Variants in PAPPA2 observed in about 807,000 individuals in gnomAD.
PAPPA2 encodes pappalysin-2.
In PAPPA2, 86 loss-of-function variants were observed where a neutral mutation model predicts 176.4. That is an observed-to-expected ratio of 0.49 (90% CI 0.41 to 0.58). The LOEUF is 0.58. Ranked by LOEUF, PAPPA2 falls within the 20% of genes least tolerant of loss-of-function variation. PAPPA2 has a pLI of 0.00. For synonymous variants in PAPPA2, 809 were observed against 852.2 expected, an observed-to-expected ratio of 0.95 and a Z score of 0.88; for missense variants, 2,073 against 2,256.9, an observed-to-expected ratio of 0.92 and a Z score of 1.65.
intron 14 of PAPPA2, among the ~76,000 whole-genome samples, chr1:176,755,554 G>C (rs1440388311): frequency 6.6e-6 from 1 of 152,194 alleles, no homozygotes; most frequent in Admixed American, 6.5e-5. Flanking sequence ...CTAGTGAATA[G>C]CTTAATTTGT....
At chr1:176,489,320 C>G (rs1242042894) in intron 1 of PAPPA2, among the ~76,000 whole-genome samples, 1 of 152,186 alleles carries the variant, frequency 6.6e-6, no homozygotes, top group Non-Finnish European at 1.5e-5. Context: ...GTCTTAGCAC[C>G]TCCCCACTCT....
At chr1:176,775,443 A>G (rs1664414936) in intron 17 of PAPPA2, among the ~76,000 whole-genome samples, 3 of 152,196 alleles carry the variant, frequency 2.0e-5, no homozygotes, top group Admixed American at 2.0e-4. Context: ...TCTAACAATT[A>G]TCTCAACAAC....
At chr1:176,500,136 TA>T (rs1385000802) in intron 1 of PAPPA2, among the ~76,000 whole-genome samples, 10 of 151,954 alleles carry the variant, frequency 6.6e-5, no homozygotes, top group Admixed American at 1.3e-4. Flanking sequence ...TGTAAGTACA[TA>T]AAAAGTTGTG....
At chr1:176,700,091 C>A (rs946258704) in intron 8 of PAPPA2, among the ~76,000 whole-genome samples, 1 of 152,188 alleles carries the variant, frequency 6.6e-6, no homozygotes, top group Admixed American at 6.5e-5. Context: ...CATTTTCCCC[C>A]CTCACACCCC....
intron 2 of PAPPA2, among the ~76,000 whole-genome samples, chr1:176,583,942 C>T (rs1653134334): frequency 7.2e-5 from 11 of 152,210 alleles, no homozygotes; most frequent in Admixed American, 6.5e-4. Context: ...ATAGTCCCAG[C>T]TACTTGAGAG....
intron 19 of PAPPA2, among the ~76,000 whole-genome samples, chr1:176,792,802 A>G (rs1665241217): frequency 6.6e-6 from 1 of 152,222 alleles, no homozygotes; most frequent in Non-Finnish European, 1.5e-5. Flanking sequence ...CTTGGAAATC[A>G]TCAAATCTAT....
chr1:176,606,314 C>T (rs1654608512), intron 3 of PAPPA2, among the ~76,000 whole-genome samples: 1 of 152,028 alleles, frequency 6.6e-6, no homozygotes, highest in Non-Finnish European at 1.5e-5. Context: ...GTCTTACACA[C>T]CAGCAAAATG....
At chr1:176,784,609 C>T (rs1371413114) in intron 17 of PAPPA2, among the ~76,000 whole-genome samples, 2 of 145,806 alleles carry the variant, frequency 1.4e-5, no homozygotes, top group South Asian at 2.2e-4. Flanking sequence ...TTTTTTTAGA[C>T]AGAATCTTGC....
intron 3 of PAPPA2, 59 bp from the exon 4 acceptor site, chr1:176,670,911 G>A: frequency 6.2e-7 from 1 of 1,602,478 alleles, no homozygotes; most frequent in Non-Finnish European, 8.5e-7. Context: ...GTCTGGCTCT[G>A]CTATTCTCTA....
At chr1:176,638,558 G>A (rs1656864359) in intron 3 of PAPPA2, among the ~76,000 whole-genome samples, 1 of 151,958 alleles carries the variant, frequency 6.6e-6, no homozygotes, top group Admixed American at 6.6e-5. Context: ...TAGGGAAACC[G>A]AATTGCACAT....
intron 3 of PAPPA2, among the ~76,000 whole-genome samples, chr1:176,661,435 T>G (rs1658355879): frequency 6.6e-6 from 1 of 151,360 alleles, no homozygotes; most frequent in Non-Finnish European, 1.5e-5. Flanking sequence ...GAGGTGGGAA[T>G]TCTGAAGCTT....
chr1:176,696,475 G>A (rs1172997198), intron 7 of PAPPA2, among the ~76,000 whole-genome samples: 2 of 152,160 alleles, frequency 1.3e-5, no homozygotes, highest in Non-Finnish European at 1.5e-5. Flanking sequence ...CTAGGCTCCA[G>A]GAAGGGGAAA....
chr1:176,710,351 C>T (rs1322240521), intron 11 of PAPPA2, among the ~76,000 whole-genome samples, 175 bp downstream of exon 11: 1 of 152,128 alleles, frequency 6.6e-6, no homozygotes, highest in Non-Finnish European at 1.5e-5. Context: ...TGATGTTGGA[C>T]AAGTCACTTA....
intron 1 of PAPPA2, among the ~76,000 whole-genome samples, chr1:176,551,447 C>T (rs1362568053): frequency 1.3e-5 from 2 of 152,128 alleles, no homozygotes; most frequent in South Asian, 4.1e-4. Context: ...GATTTTGGAA[C>T]CAGAAAGTCA....
chr1:176,801,105 G>GCGCACA (rs1553206631), intron 21 of PAPPA2, among the ~76,000 whole-genome samples: 1 of 148,860 alleles, frequency 6.7e-6, no homozygotes, highest in African/African-American at 2.5e-5. Flanking sequence ...ACACACACAC[G>GCGCACA]CACACACACA....
At chr1:176,790,460 A>C (rs1245313426) in intron 18 of PAPPA2, among the ~76,000 whole-genome samples, 1 of 152,198 alleles carries the variant, frequency 6.6e-6, no homozygotes, top group Non-Finnish European at 1.5e-5. Flanking sequence ...ACTAAAAGCA[A>C]TTTTATTTTA....
At chr1:176,819,090 T>A (rs1666550246) in intron 21 of PAPPA2, among the ~76,000 whole-genome samples, 1 of 152,194 alleles carries the variant, frequency 6.6e-6, no homozygotes, top group Admixed American at 6.5e-5. Flanking sequence ...TACAGTGACG[T>A]AGTGACTGGC....
chr1:176,821,426 T>C (rs1666661991), intron 21 of PAPPA2, among the ~76,000 whole-genome samples: 1 of 152,212 alleles, frequency 6.6e-6, no homozygotes, highest in Non-Finnish European at 1.5e-5. Context: ...GGCATGAAGC[T>C]GTCATCAAGT....
intron 4 of PAPPA2, among the ~76,000 whole-genome samples, chr1:176,680,990 G>A (rs774159096): frequency 3.2e-4 from 48 of 152,062 alleles, no homozygotes; most frequent in Non-Finnish European, 5.4e-4. Context: ...GGAAAATGTA[G>A]GAAAAGGAAA....
Sources: allele counts gnomAD v4.1 joint callset (sites outside exome capture counted in the v4.1 genomes callset), GRCh38; gene constraint gnomAD v4.1.1; transcripts MANE v1.5; gene names NCBI Gene and HGNC (gene_info 2026-07-23, HGNC 2026-07-21).